DAAM1: variants seen among roughly 807,000 people sequenced by gnomAD.
The protein encoded by DAAM1 is dishevelled associated activator of morphogenesis 1.
DAAM1 carries 52 observed loss-of-function variants against 130.0 expected under a neutral mutation model. The ratio of observed to expected loss-of-function variants is 0.40; its 90% CI spans 0.32 to 0.50. DAAM1 has a LOEUF of 0.50. Ranked by LOEUF, DAAM1 falls within the 20% of genes least tolerant of loss-of-function variation. The probability of loss-of-function intolerance (pLI) is 0.61; values close to 1 mark genes in which losing one functional copy is unlikely to be tolerated. For synonymous variants in DAAM1, 452 were observed against 444.5 expected, an observed-to-expected ratio of 1.02 and a Z score of -0.21; for missense variants, 1,134 against 1,303.8, an observed-to-expected ratio of 0.87 and a Z score of 2.01.
intron 15 of DAAM1, among the ~76,000 whole-genome samples, chr14:59,338,049 T>C (rs1188816173): frequency 6.6e-6 from 1 of 152,226 alleles, no homozygotes; most frequent in Non-Finnish European, 1.5e-5. Context: ...GAGCCAGTGG[T>C]CATTTCAAAG....
intron 1 of DAAM1, among the ~76,000 whole-genome samples, chr14:59,232,910 G>A (rs1889158267): frequency 6.6e-6 from 1 of 152,064 alleles, no homozygotes; most frequent in Non-Finnish European, 1.5e-5. Flanking sequence ...TTCTGTTCCT[G>A]TGTTAGTTTG....
intron 1 of DAAM1, among the ~76,000 whole-genome samples, chr14:59,209,040 T>G (rs569222425): frequency 2.0e-5 from 3 of 152,336 alleles, no homozygotes; most frequent in Admixed American, 2.0e-4. Flanking sequence ...TCTTTATAAA[T>G]TATCCAGCCT....
intron 1 of DAAM1, among the ~76,000 whole-genome samples, chr14:59,229,932 T>A (rs1889051035): frequency 6.6e-6 from 1 of 152,172 alleles, no homozygotes; most frequent in Non-Finnish European, 1.5e-5. Context: ...CCACCACCCA[T>A]CTTAATAGTA....
intron 18 of DAAM1, among the ~76,000 whole-genome samples, chr14:59,352,991 CAAAAAAAA>C (rs34084858): frequency 1.5e-5 from 2 of 129,518 alleles, no homozygotes; most frequent in Admixed American, 1.6e-4. Flanking sequence ...GGTTGTAAAA[CAAAAAAAA>C]AAAAAAGAAA....
chr14:59,193,077 A>ACAG (rs1887781313), intron 1 of DAAM1, among the ~76,000 whole-genome samples: 1 of 152,126 alleles, frequency 6.6e-6, no homozygotes, highest in Admixed American at 6.5e-5. Flanking sequence ...AACAACAACA[A>ACAG]CAAAACCCTC....
intron 2 of DAAM1, among the ~76,000 whole-genome samples, chr14:59,267,904 T>TCCC (rs1566675881): frequency 1.1e-4 from 3 of 27,588 alleles, no homozygotes; most frequent in African/African-American, 3.4e-4. Flanking sequence ...GCCCCCCCCT[T>TCCC]TTTTTTTTTT....
chr14:59,227,458 C>A (rs933026419), intron 1 of DAAM1, among the ~76,000 whole-genome samples: 7 of 152,148 alleles, frequency 4.6e-5, no homozygotes, highest in Non-Finnish European at 5.9e-5. Flanking sequence ...TCCTGAAGGA[C>A]TTGTTTGGGA....
intron 2 of DAAM1, among the ~76,000 whole-genome samples, chr14:59,266,598 G>A (rs1266535694): frequency 6.6e-6 from 1 of 152,200 alleles, no homozygotes; most frequent in Admixed American, 6.5e-5. Flanking sequence ...ATTATCTTGA[G>A]GTTTGTATCT....
intron 1 of DAAM1, among the ~76,000 whole-genome samples, chr14:59,198,041 C>T (rs1424711508): frequency 6.6e-6 from 1 of 152,084 alleles, no homozygotes; most frequent in Admixed American, 6.6e-5. Flanking sequence ...CTGGGTTTCA[C>T]TTATCTTATC....
chr14:59,270,041 A>G (rs766567964), intron 2 of DAAM1, among the ~76,000 whole-genome samples: 1 of 152,194 alleles, frequency 6.6e-6, no homozygotes, highest in African/African-American at 2.4e-5. Context: ...TCAGTGAACC[A>G]AATATAATGA....
At chr14:59,271,415 A>G (rs1272667) in intron 2 of DAAM1, among the ~76,000 whole-genome samples, 149,794 of 152,254 alleles carry the variant, frequency 0.98, 73,732 homozygotes, top group East Asian at 1. Flanking sequence ...ATATCATTAA[A>G]TACTGAGGAC....
intron 1 of DAAM1, among the ~76,000 whole-genome samples, chr14:59,248,836 T>G (rs1304095654): frequency 1.3e-5 from 2 of 152,170 alleles, no homozygotes; most frequent in African/African-American, 4.8e-5. Flanking sequence ...CAGGCTGGAG[T>G]GCAGTGGTGC....
intron 23 of DAAM1, among the ~76,000 whole-genome samples, chr14:59,366,227 A>T (rs74057120): frequency 0.032 from 4,892 of 151,740 alleles, 266 homozygotes; most frequent in African/African-American, 0.11. Context: ...ATATCTTTTT[A>T]AAAAAAAATT....
chr14:59,367,343 C>G, intron 23 of DAAM1, 86 bp from the exon 24 acceptor site: 2 of 1,500,218 alleles, frequency 1.3e-6, no homozygotes, highest in Non-Finnish European at 1.8e-6. Context: ...TTGACTCAAT[C>G]TGGGCTTTGG....
chr14:59,300,580 C>T (rs1884131592), intron 3 of DAAM1, among the ~76,000 whole-genome samples: 1 of 151,986 alleles, frequency 6.6e-6, no homozygotes, highest in African/African-American at 2.4e-5. Flanking sequence ...GTTAAATATA[C>T]AAAAAAGTAC....
chr14:59,308,369 A>G (rs1884449680), intron 3 of DAAM1, among the ~76,000 whole-genome samples: 1 of 152,218 alleles, frequency 6.6e-6, no homozygotes, highest in Non-Finnish European at 1.5e-5. Flanking sequence ...GGATATAATC[A>G]CTTTATTCAA....
At chr14:59,327,543 G>A (rs1885261024) in intron 12 of DAAM1, among the ~76,000 whole-genome samples, 1 of 151,830 alleles carries the variant, frequency 6.6e-6, no homozygotes, top group Non-Finnish European at 1.5e-5. Flanking sequence ...GAGTAGCTGG[G>A]ACTACCGGCG....
rs150340856 is a variant in DAAM1, at chr14:59,298,514, G to C, written c.273+7208G>C. ...TTTTCTGCCCAGAAACCCACTGAGG[G>C]CATGTTTCTCATTGTCCTTGCATTC... is the stretch of plus-strand genomic sequence containing the variant. On this transcript the variant is annotated intron_variant, in intron 3 of 24. Coordinates refer to ENST00000360909, the MANE Select transcript of DAAM1 (RefSeq NM_001270520.2). 4.8e-3 allele frequency among the ~76,000 whole-genome samples: 727 copies of C among 152,300 alleles called. 9 individuals are homozygous for C. Among genetic ancestry groups the C allele is most frequent in the African/African-American group, 0.016 (675 of 41,568 alleles).
intron 1 of DAAM1, among the ~76,000 whole-genome samples, chr14:59,225,513 C>T (rs1434094316): frequency 2.0e-5 from 3 of 152,212 alleles, no homozygotes; most frequent in East Asian, 3.9e-4. Flanking sequence ...ACTTGAGCCT[C>T]CTCTTTCTGT....
Sources: gnomAD v4.1 joint callset for allele counts (sites outside exome capture counted in the v4.1 genomes callset) on GRCh38, gnomAD v4.1.1 for gene constraint, MANE v1.5 for transcripts, NCBI Gene and HGNC (gene_info 2026-07-23, HGNC 2026-07-21) for gene names.